The following DAPK2 variants were observed in gnomAD, a reference collection of about 807,000 sequenced individuals.
DAPK2 encodes death associated protein kinase 2.
Under a neutral mutation model 44.1 loss-of-function variants are expected in DAPK2, and 35 were observed. The ratio of observed to expected loss-of-function variants is 0.79; its 90% CI spans 0.61 to 1.05. The LOEUF (loss-of-function observed/expected upper bound fraction) is 1.05. Among genes scored for constraint, DAPK2 ranks in the 50% least tolerant of loss-of-function variants. The pLI is 0.00. For synonymous variants in DAPK2, 174 were observed against 182.6 expected (o/e 0.95, Z 0.38); for missense variants, 453 against 483.2 (o/e 0.94, Z 0.59).
intron 1 of DAPK2, 94 bp from the exon 3 acceptor site, chr15:63,983,848 G>T: frequency 1.6e-6 from 2 of 1,244,716 alleles, no homozygotes; most frequent in Non-Finnish European, 2.3e-6. Flanking sequence ...AATTCAGAGT[G>T]ATTCTGCCAG....
intron 1 of DAPK2, among the ~76,000 whole-genome samples, chr15:64,039,159 C>T (rs991990415): frequency 1.3e-5 from 2 of 152,192 alleles, no homozygotes; most frequent in Admixed American, 6.5e-5. Context: ...CATGGGCATG[C>T]GTCCTCAATC....
At chr15:63,971,326 G>A (rs2078205652) in intron 3 of DAPK2, 97 bp downstream of exon 4, 1 of 1,408,918 alleles carries the variant, frequency 7.1e-7, no homozygotes, top group Non-Finnish European at 9.7e-7. Context: ...GAGAAAGAAG[G>A]GCTGGTCGGC....
intron 3 of DAPK2, among the ~76,000 whole-genome samples, chr15:63,962,636 G>C (rs962665793): frequency 6.6e-6 from 1 of 152,188 alleles, no homozygotes; most frequent in Non-Finnish European, 1.5e-5. Flanking sequence ...TGTTTTACTG[G>C]GTATCACCAG....
At chr15:64,000,227 G>C (rs1392937161) in intron 1 of DAPK2, among the ~76,000 whole-genome samples, 4 of 150,470 alleles carry the variant, frequency 2.7e-5, no homozygotes, top group African/African-American at 9.8e-5. Flanking sequence ...ACAGCCCCTA[G>C]GTCTGCTCCA....
chr15:63,911,993 T>C lies in DAPK2; in HGVS notation c.949-2A>G, dbSNP rs1261266214. On this transcript the variant is annotated splice_acceptor_variant, in intron 9 of 10. Transcript: ENST00000261891. LOFTEE classifies it high-confidence loss of function. ...CAGGGACACGATGCTGAAGGAAAGC[T>C]GAGGGAGGCAGAGGAAAGGAATCCC... The C allele has an allele frequency of 6.2e-7, 1 of 1,613,632 alleles. No homozygotes were observed. The highest frequency in any genetic ancestry group is 1.3e-5 in the African/African-American group (1 of 74,914).
chr15:63,950,047 G>A (rs1380843), intron 3 of DAPK2, among the ~76,000 whole-genome samples: 49,983 of 152,056 alleles, frequency 0.33, 9,669 homozygotes, highest in East Asian at 0.85. Flanking sequence ...CATCCTAACA[G>A]ATCTTGCCAG....
chr15:63,940,475 T>G (rs938319435), intron 3 of DAPK2, among the ~76,000 whole-genome samples: 1 of 151,546 alleles, frequency 6.6e-6, no homozygotes, highest in African/African-American at 2.4e-5. Context: ...CTTTGGGAGG[T>G]CGAGGTGGGT....
At chr15:63,907,139 GAT>G (rs2146439330) in exon 11 of DAPK2, 1 of 152,194 alleles carries the variant, frequency 6.6e-6, no homozygotes, top group Admixed American at 6.5e-5. Context: ...TTAGTTTGTC[GAT>G]GGCTATTCCC....
At chr15:63,992,555 G>T (rs750497402) in intron 1 of DAPK2, among the ~76,000 whole-genome samples, 2 of 152,210 alleles carry the variant, frequency 1.3e-5, no homozygotes, top group African/African-American at 4.8e-5. Flanking sequence ...GGGCATGAAA[G>T]AACTATCTGC....
At chr15:63,989,728 G>A (rs1266575117) in intron 1 of DAPK2, among the ~76,000 whole-genome samples, 1 of 152,088 alleles carries the variant, frequency 6.6e-6, no homozygotes, top group East Asian at 1.9e-4. Context: ...GTCTCGCTCT[G>A]TTGCCCAGGC....
chr15:64,030,829 T>C (rs1195606729), intron 1 of DAPK2, among the ~76,000 whole-genome samples: 1 of 152,102 alleles, frequency 6.6e-6, no homozygotes, highest in East Asian at 1.9e-4. Context: ...ATTATCAAAG[T>C]CTAGGGCACA....
chr15:64,034,533 T>C lies in DAPK2; in HGVS notation c.92+5637A>G, dbSNP rs184949357. ...AGCCTCCTCTAAGTGGTAGCAATTA[T>C]ATGGTTGCTGTCTTCTTCAGGGCAG... On this transcript the variant is annotated intron_variant, in intron 1 of 10. Transcript: ENST00000261891. Among the ~76,000 whole-genome samples the C allele has an allele frequency of 1.3e-4, 20 of 152,286 alleles. No homozygotes were observed. The East Asian group carries it at 3.3e-3, about 25-fold the overall frequency.
chr15:63,966,608 C>G lies in DAPK2; in HGVS notation c.453+4815G>C, dbSNP rs1211383483. Among the ~76,000 whole-genome samples the G allele has an allele frequency of 6.6e-6, 1 of 152,170 alleles. No homozygotes were observed. The highest frequency in any genetic ancestry group is 1.5e-5 in the Non-Finnish European group (1 of 68,028). ...GGCTTGCTGGAACTCAGGTTCTGACCACTAGGATGAGCAATTCTCCTCTGT... is the reference window on the plus strand; with the variant it reads ...GGCTTGCTGGAACTCAGGTTCTGACGACTAGGATGAGCAATTCTCCTCTGT... On this transcript the variant is annotated intron_variant, in intron 3 of 10. Transcript: ENST00000261891. The surrounding 1 kb of genome is among the most constrained non-coding windows in gnomAD (Gnocchi z 5.5).
chr15:64,000,597 G>A (rs146700684), intron 1 of DAPK2, among the ~76,000 whole-genome samples: 1 of 152,130 alleles, frequency 6.6e-6, no homozygotes, highest in Non-Finnish European at 1.5e-5. Flanking sequence ...CCTACTAGTT[G>A]GCAGAATTCA....
At chr15:64,035,954 G>A (rs545364424) in intron 1 of DAPK2, among the ~76,000 whole-genome samples, 1 of 152,162 alleles carries the variant, frequency 6.6e-6, no homozygotes, top group Non-Finnish European at 1.5e-5. Context: ...GATAAGGATA[G>A]ACAAAGCCTC....
At chr15:63,910,084 A>C (rs1290695363) in intron 10 of DAPK2, among the ~76,000 whole-genome samples, 1 of 152,226 alleles carries the variant, frequency 6.6e-6, no homozygotes, top group Non-Finnish European at 1.5e-5. Flanking sequence ...TCAGAGCCAA[A>C]CAGTAAAAAA....
Position 63,908,034 on chromosome 15 carries a change from T to G in DAPK2, c.*486A>C, listed in dbSNP as rs537167846. The G allele has an allele frequency of 6.5e-6, 1 of 152,674 alleles. No individual in the cohort carries two copies. The highest frequency in any genetic ancestry group is 1.5e-5 in the Non-Finnish European group (1 of 68,250). 9.5% of individuals were successfully genotyped at this position (152,674 alleles called of 1,614,324 possible). A position where few individuals can be genotyped will look rare whatever the true frequency, so the allele number is the denominator to read the frequency against. ...GGTCAGCCTGACGTCCTGGCTTCCA[T>G]GGTTCTGGGAGGTCACAGGATTGGT... On this transcript the variant is annotated 3_prime_UTR_variant, in exon 11 of 11. Coordinates refer to ENST00000261891, the Ensembl canonical transcript of DAPK2. The surrounding 1 kb of genome is among the most constrained non-coding windows in gnomAD (Gnocchi z 5.7).
In DAPK2 at chr15:63,923,471, G is replaced by A. The variant is rs2079146748; in HGVS notation, c.858+1345C>T. 2 of 1,444,048 alleles carry A rather than the reference G, an allele frequency of 1.4e-6. No individual in the cohort carries two copies. Among genetic ancestry groups the A allele is most frequent in the Non-Finnish European group, 1.8e-6 (2 of 1,101,142 alleles). The allele number at this position is 1,444,048 out of a possible 1,614,324, so 89.5% of individuals were successfully genotyped here. ...CACTGCATGCGTCAGGCCATGGGGA[G>A]AACCAGGGTGGGATGAGCACCTCCT... On this transcript the variant is annotated intron_variant, in intron 8 of 10. Coordinates refer to ENST00000261891, the Ensembl canonical transcript of DAPK2. The surrounding 1 kb of genome is among the most constrained non-coding windows in gnomAD (Gnocchi z 4.2).
At chr15:64,034,828 C>A (rs539510566) in intron 1 of DAPK2, among the ~76,000 whole-genome samples, 1 of 152,194 alleles carries the variant, frequency 6.6e-6, no homozygotes, top group South Asian at 2.1e-4. Flanking sequence ...TGTTGAAATC[C>A]AGCTCAACAG....
Sources: gnomAD v4.1 joint callset for allele counts (sites outside exome capture counted in the v4.1 genomes callset) on GRCh38, gnomAD v4.1.1 for gene constraint, Gnocchi (gnomAD v3.1) non-coding constraint, MANE v1.5 for transcripts, NCBI Gene and HGNC (gene_info 2026-07-23, HGNC 2026-07-21) for gene names.